PLXNB2: variants seen among roughly 807,000 people sequenced by gnomAD.
The protein encoded by PLXNB2 is plexin B2, also known as plexin-B2.
Under a neutral mutation model 202.6 loss-of-function variants are expected in PLXNB2, and 85 were observed. The observed-to-expected ratio is 0.42, with a 90% CI of 0.35 to 0.50. PLXNB2 has a LOEUF of 0.50. Among genes scored for constraint, PLXNB2 ranks in the 20% least tolerant of loss-of-function variants. The pLI, the probability that PLXNB2 is intolerant of heterozygous loss-of-function variation, is 0.02. For missense variants in PLXNB2, 2,063 were observed against 2,586.2 expected (o/e 0.80, Z 4.39); for synonymous variants, 1,239 against 1,137.6 (o/e 1.09, Z -1.79).
Position 50,283,863 on chromosome 22 carries a change from G to A in PLXNB2, c.2391C>T (p.Thr797=), listed in dbSNP as rs749266456. 1 of 1,608,590 alleles carries A rather than the reference G, an allele frequency of 6.2e-7. No homozygotes were observed. The highest frequency in any genetic ancestry group is 1.7e-5 in the Admixed American group (1 of 59,534). Residue 797 remains threonine, a synonymous_variant, in exon 14 of 37, where the codon ACC becomes ACT. Transcript: ENST00000359337. ...TGATGACGGGCGGCGGGCACTCGGAGGTGGTGTTGCACAGGGCCTCATACA... is the reference window on the plus strand; with the variant it reads ...TGATGACGGGCGGCGGGCACTCGGAAGTGGTGTTGCACAGGGCCTCATACA... ...RCVYEALCNT[T]SECPPPVITR... is the part of the protein sequence containing the mutation.
rs200426394 is a variant in PLXNB2 at position 50,283,746 on chromosome 22, T to A, written c.2426A>T (p.Gln809Leu). The A allele has an allele frequency of 1.7e-5, 28 of 1,612,980 alleles. No homozygotes were observed. Among genetic ancestry groups the A allele is most frequent in the Non-Finnish European group, 4.2e-6 (5 of 1,179,920 alleles). ...ECPPPVITRI[Q>L]PETGPLGGGI... ...CCCACCCAGGGGGCCCGTCTCAGGC[T>A]GGATCTGAAACCACAGAGCCGGGTG... is the stretch of plus-strand genomic sequence containing the variant. Residue 809 changes from glutamine to leucine, a missense_variant, in exon 15 of 37, where the codon CAG (glutamine) becomes CTG (leucine). Coordinates refer to ENST00000359337, the MANE Select transcript of PLXNB2 (RefSeq NM_012401.4).
chr22:50,300,554 G>A (rs1569184018), intron 1 of PLXNB2, among the ~76,000 whole-genome samples: 1 of 152,138 alleles, frequency 6.6e-6, no homozygotes, highest in Non-Finnish European at 1.5e-5. Context: ...GGGGCGGGGC[G>A]GGGCGGGGCG....
intron 20 of PLXNB2, 22 bp downstream of exon 20, chr22:50,281,832 C>A: frequency 6.2e-7 from 1 of 1,602,496 alleles, no homozygotes. Context: ...GACCCAGACA[C>A]CCGGGGCTGC....
At chr22:50,294,664 C>T (rs572084916) in intron 2 of PLXNB2, 55 bp downstream of exon 2, 37 of 810,444 alleles carry the variant, frequency 4.6e-5, no homozygotes, top group Admixed American at 1.9e-4. Flanking sequence ...TACCTCCGGC[C>T]TCCCTGTCCA....
chr22:50,277,763 G>A, intron 32 of PLXNB2, 25 bp from the exon 33 acceptor site: 5 of 1,586,382 alleles, frequency 3.2e-6, no homozygotes, highest in Non-Finnish European at 4.3e-6. Context: ...CAGGGAATGA[G>A]AGCCGGGGCT....
Position 50,277,726 on chromosome 22 carries a change from C to T in PLXNB2, c.5061G>A (p.Arg1687=). 1 of 1,599,046 alleles carries T rather than the reference C, an allele frequency of 6.3e-7. No individual in the cohort carries two copies. The highest frequency in any genetic ancestry group is 8.5e-7 in the Non-Finnish European group (1 of 1,170,506). The change falls in exon 33 of 37, where the codon CGG becomes CGA. Residue 1687 remains arginine, a synonymous_variant. Transcript: ENST00000359337. ...HIWKTNSLPL[R]FWVNILKNPH... is the part of the protein sequence containing the mutation. ...GGTTCTTGAGGATGTTCACCCAGAACCGGAGCGGTAAGCTGAGGCAGAGCA... is the reference window on the plus strand; with the variant it reads ...GGTTCTTGAGGATGTTCACCCAGAATCGGAGCGGTAAGCTGAGGCAGAGCA...
intron 15 of PLXNB2, 30 bp from the exon 16 acceptor site, chr22:50,283,475 C>A (rs1235995705): frequency 1.9e-6 from 3 of 1,602,250 alleles, no homozygotes; most frequent in Non-Finnish European, 2.6e-6. Context: ...GTGGCCCAGG[C>A]ACTCCCCGAC....
intron 24 of PLXNB2, 22 bp downstream of exon 24, chr22:50,280,722 G>A (rs374757039): frequency 1.2e-4 from 81 of 689,192 alleles, no homozygotes; most frequent in Middle Eastern, 6.5e-4. Flanking sequence ...GTGCCCTCCC[G>A]CCCGCCCGAC....
chr22:50,279,803 GAGGTCAGGGGACTTGGGGCCTGGA>G, intron 26 of PLXNB2, 27 bp from the exon 27 acceptor site: 1 of 1,613,090 alleles, frequency 6.2e-7, no homozygotes, highest in Non-Finnish European at 8.5e-7. Flanking sequence ...GGGAGGCTGG[GAGGTCAGGGGACTTGGGGCCTGGA>G]AGGGGCCCCC....
At chr22:50,305,592 G>A (rs980479417) in intron 1 of PLXNB2, among the ~76,000 whole-genome samples, 1 of 152,212 alleles carries the variant, frequency 6.6e-6, no homozygotes, top group Non-Finnish European at 1.5e-5. Context: ...AGGCTGGTCC[G>A]TTAGTCAGGA....
Position 50,284,214 on chromosome 22 carries a change from C to G in PLXNB2, c.2182-1G>C. On this transcript the variant is annotated splice_acceptor_variant, in intron 12 of 36. Transcript: ENST00000359337. LOFTEE classifies it high-confidence loss of function. The surrounding 1 kb of genome is among the most constrained non-coding windows in gnomAD (Gnocchi z 8.0). ...GCGTCTCGTTGGCATCGTGGGACAGCTGGGGGACACGCAGGGGCACACTGC... is the reference window on the plus strand; with the variant it reads ...GCGTCTCGTTGGCATCGTGGGACAGGTGGGGGACACGCAGGGGCACACTGC... 1 of 1,612,730 alleles carries G rather than the reference C, an allele frequency of 6.2e-7. No individual in the cohort carries two copies. The highest frequency in any genetic ancestry group is 8.5e-7 in the Non-Finnish European group (1 of 1,179,662).
At position 50,280,039 on chromosome 22, in the gene PLXNB2, T is replaced by C. The variant is rs778648306; in HGVS notation, c.4208A>G (p.Asn1403Ser). The change falls in exon 26 of 37, where the codon AAC becomes AGC. Residue 1403 changes from asparagine (N) to serine (S), a missense_variant. Coordinates refer to ENST00000359337, the MANE Select transcript of PLXNB2 (RefSeq NM_012401.4). Reference protein sequence around the residue: ...SETVVERMLSNWMSICLYQYL... With the variant: ...SETVVERMLSSWMSICLYQYL... ...CTGGTACAGGCAGATGGACATCCAG[T>C]TGGACAGCATCCTCTCCACCACAGT... 1.4e-5 allele frequency: 23 copies of C among 1,610,716 alleles called. No homozygotes were observed. The highest frequency in any genetic ancestry group is 3.4e-5 in the Admixed American group (2 of 59,614).
chr22:50,277,614 G>T lies in PLXNB2; in HGVS notation c.5173C>A (p.Arg1725Ser). 1.0e-5 allele frequency: 16 copies of T among 1,595,902 alleles called. No homozygotes were observed. The highest frequency in any genetic ancestry group is 1.3e-5 in the Non-Finnish European group (15 of 1,168,798). ...IAQTFMDACT[R>S]TEHKLSRDSP... ...ACGCGGCTCAGCTTATGCTCCGTGC[G>T]CGTGCAGGCATCCATGAAGGTCTGC... Residue 1725 changes from arginine to serine, a missense_variant, in exon 33 of 37, where the codon CGC (arginine) becomes AGC (serine). By Grantham distance (110) the Arg-to-Ser change is moderately radical (BLOSUM62 -1). Transcript: ENST00000359337.
In PLXNB2 at chr22:50,305,207, G is replaced by A. The variant is rs112553160; in HGVS notation, c.-74+2346C>T. Reference sequence around the variant, plus strand: ...GGTGAGGCAGGGGGCAGGACACGGTGAGCACGGACGACGTCCTGGGATGGG... The same window carrying A: ...GGTGAGGCAGGGGGCAGGACACGGTAAGCACGGACGACGTCCTGGGATGGG... On this transcript the variant is annotated intron_variant, in intron 1 of 36. Coordinates refer to ENST00000359337, the MANE Select transcript of PLXNB2 (RefSeq NM_012401.4). Among the ~76,000 whole-genome samples, 6 of 152,320 alleles carry A rather than the reference G, an allele frequency of 3.9e-5. 1 individual carries two copies. Among genetic ancestry groups the A allele is most frequent in the African/African-American group, 1.4e-4 (6 of 41,570 alleles).
chr22:50,300,348 G>A, intron 1 of PLXNB2: 1 of 984,846 alleles, frequency 1.0e-6, no homozygotes, highest in Non-Finnish European at 1.2e-6. Context: ...GGGGCGCGGG[G>A]AGCAGCTCCG....
rs1484443706 is a variant in PLXNB2 at position 50,276,614 on chromosome 22, T to C, written c.5337+15A>G. The C allele has an allele frequency of 6.2e-7, 1 of 1,606,012 alleles. No homozygotes were observed. The highest frequency in any genetic ancestry group is 8.5e-7 in the Non-Finnish European group (1 of 1,172,736). Reference sequence around the variant, plus strand: ...GCGGGGAGGGCTGTGGGTGCGTCCCTGGTGGTCTCCTTACCCGGGAAATCT... The same window carrying C: ...GCGGGGAGGGCTGTGGGTGCGTCCCCGGTGGTCTCCTTACCCGGGAAATCT... On this transcript the variant is annotated intron_variant, in intron 35 of 36. Transcript: ENST00000359337.
chr22:50,281,433 G>A lies in PLXNB2; in HGVS notation c.3589C>T (p.Pro1197Ser). Residue 1197 changes from proline (P) to serine (S), a missense_variant, in exon 22 of 37, where the codon CCG becomes TCG. Pro to Ser is a moderately conservative substitution (Grantham distance 74). Transcript: ENST00000359337. ...ACCAGCGGCAAGATGAGGCTGAGCG[G>A]CACGTCGCTCACCCGTGTGTCGTAC... is the stretch of plus-strand genomic sequence containing the variant. ...VEYDTRVSDV[P>S]LSLILPLVIV... The A allele has an allele frequency of 1.9e-6, 3 of 1,612,078 alleles. No individual in the cohort carries two copies. The highest frequency in any genetic ancestry group is 1.1e-5 in the South Asian group (1 of 91,020).
intron 2 of PLXNB2, 102 bp downstream of exon 2, chr22:50,294,616 TG>T: frequency 2.8e-6 from 1 of 358,172 alleles, no homozygotes; most frequent in Non-Finnish European, 3.9e-6. Flanking sequence ...GAAACCTGGC[TG>T]GACAGAGCCT....
chr22:50,283,032 G>C lies in PLXNB2; in HGVS notation c.2816+18C>G, dbSNP rs750160235. On this transcript the variant is annotated intron_variant, in intron 17 of 36. Coordinates refer to ENST00000359337, the MANE Select transcript of PLXNB2 (RefSeq NM_012401.4). ...GGGCCAGGGCCAACCAGACTCAGCA[G>C]CTGGCGGTGACACCCACACTTTACA... 1.3e-6 allele frequency: 2 copies of C among 1,598,528 alleles called. No individual in the cohort carries two copies. The highest frequency in any genetic ancestry group is 2.3e-5 in the South Asian group (2 of 88,746).
Sources: gnomAD v4.1 joint callset for allele counts (sites outside exome capture counted in the v4.1 genomes callset) on GRCh38, gnomAD v4.1.1 for gene constraint, Gnocchi (gnomAD v3.1) non-coding constraint, MANE v1.5 for transcripts, NCBI Gene and HGNC (gene_info 2026-07-23, HGNC 2026-07-21) for gene names.